The following KCNQ3 variants were observed in gnomAD, a reference collection of about 807,000 sequenced individuals.
The protein encoded by KCNQ3 is potassium voltage-gated channel subfamily KQT member 3.
In KCNQ3, 30 loss-of-function variants were observed where a neutral mutation model predicts 92.5. That is an observed-to-expected ratio of 0.32 (90% confidence interval 0.24 to 0.44). KCNQ3 has a LOEUF of 0.44. KCNQ3 is among the 20% of genes least tolerant of loss of function. KCNQ3 has a pLI of 1.00. For missense variants in KCNQ3, 913 were observed against 1,140.3 expected, an observed-to-expected ratio of 0.80 and a Z score of 2.87; for synonymous variants, 450 against 468.8, an observed-to-expected ratio of 0.96 and a Z score of 0.52.
chr8:132,337,932 T>C (rs1818410636), intron 1 of KCNQ3, among the ~76,000 whole-genome samples: 1 of 152,226 alleles, frequency 6.6e-6, no homozygotes, highest in Non-Finnish European at 1.5e-5. Context: ...CACATGATAT[T>C]CTTATCATCT....
At chr8:132,168,498 A>G (rs559675218) in intron 8 of KCNQ3, among the ~76,000 whole-genome samples, 1 of 152,298 alleles carries the variant, frequency 6.6e-6, no homozygotes, top group South Asian at 2.1e-4. Flanking sequence ...ACCTGCCACC[A>G]GAACCTTTTG....
chr8:132,443,144 G>C (rs945212631), intron 1 of KCNQ3, among the ~76,000 whole-genome samples: 1 of 152,200 alleles, frequency 6.6e-6, no homozygotes. Context: ...TGGAAATAAA[G>C]GTAGGGAGGG....
At chr8:132,468,929 AT>A (rs1239701534) in intron 1 of KCNQ3, among the ~76,000 whole-genome samples, 2 of 152,148 alleles carry the variant, frequency 1.3e-5, no homozygotes, top group South Asian at 4.2e-4. Context: ...CTGTAACCCA[AT>A]TTGTTCCCTA....
Position 132,129,928 on chromosome 8 carries a change from C to T in KCNQ3, c.1953G>A (p.Gln651=). The change falls in exon 15 of 15, where the codon CAG becomes CAA. Residue 651 remains glutamine (Q), a synonymous_variant. Transcript: ENST00000388996. The surrounding 1 kb of genome is among the most constrained non-coding windows in gnomAD (Gnocchi z 5.9). ...DMHMQHMERL[Q]VQVTEYYPTK... is the part of the protein sequence containing the mutation. Reference sequence around the variant, plus strand: ...TTGGGTAATACTCCGTGACCTGCACCTGCAACCGTTCCATGTGTTGCATGT... The same window carrying T: ...TTGGGTAATACTCCGTGACCTGCACTTGCAACCGTTCCATGTGTTGCATGT... The T allele has an allele frequency of 6.2e-7, 1 of 1,614,144 alleles. No individual in the cohort carries two copies. Among genetic ancestry groups the T allele is most frequent in the Non-Finnish European group, 8.5e-7 (1 of 1,180,002 alleles).
chr8:132,390,911 A>T (rs1166249959), intron 1 of KCNQ3, among the ~76,000 whole-genome samples: 1 of 152,220 alleles, frequency 6.6e-6, no homozygotes, highest in Admixed American at 6.5e-5. Flanking sequence ...ACACTTTCAA[A>T]ATGTTATTAC....
chr8:132,264,584 T>A (rs977968237), intron 1 of KCNQ3, among the ~76,000 whole-genome samples: 1 of 152,182 alleles, frequency 6.6e-6, no homozygotes, highest in Non-Finnish European at 1.5e-5. Context: ...GAATCTTCTG[T>A]AGGACTTCAT....
intron 1 of KCNQ3, among the ~76,000 whole-genome samples, chr8:132,409,740 TAG>T (rs1291424773): frequency 6.6e-6 from 1 of 152,178 alleles, no homozygotes; most frequent in East Asian, 1.9e-4. Context: ...TTCCCTATTT[TAG>T]AGTCAGTGCA....
chr8:132,152,698 A>G (rs1002697070), intron 9 of KCNQ3, among the ~76,000 whole-genome samples: 3 of 152,148 alleles, frequency 2.0e-5, no homozygotes, highest in African/African-American at 7.2e-5. Context: ...GTGGTCAGTA[A>G]AAAATGTCAT....
chr8:132,371,002 C>A (rs954601572), intron 1 of KCNQ3, among the ~76,000 whole-genome samples: 1 of 152,212 alleles, frequency 6.6e-6, no homozygotes, highest in Non-Finnish European at 1.5e-5. Flanking sequence ...TAAACCACTA[C>A]TCTAGGGTTC....
At chr8:132,182,069 CA>C (rs11320609) in intron 3 of KCNQ3, among the ~76,000 whole-genome samples, 9,048 of 143,692 alleles carry the variant, frequency 0.063, 509 homozygotes, top group African/African-American at 0.14. Flanking sequence ...CCATAAAAAA[CA>C]AAAAAAAAAC....
intron 1 of KCNQ3, among the ~76,000 whole-genome samples, chr8:132,336,125 C>T (rs757300985): frequency 7.2e-5 from 11 of 152,200 alleles, no homozygotes; most frequent in Non-Finnish European, 1.2e-4. Flanking sequence ...TGTTTTCTTG[C>T]CTCTCCCACC....
intron 9 of KCNQ3, among the ~76,000 whole-genome samples, chr8:132,145,228 G>C (rs1825417771): frequency 6.6e-6 from 1 of 152,182 alleles, no homozygotes; most frequent in Admixed American, 6.5e-5. Flanking sequence ...AAACTACCAT[G>C]TTCAACTTGT....
chr8:132,332,257 C>T (rs2130663961), intron 1 of KCNQ3, among the ~76,000 whole-genome samples: 1 of 152,274 alleles, frequency 6.6e-6, no homozygotes, highest in South Asian at 2.1e-4. Context: ...CAGACTGTTC[C>T]TCCCCACTCT....
intron 1 of KCNQ3, among the ~76,000 whole-genome samples, chr8:132,457,588 C>T (rs185119059): frequency 6.6e-6 from 1 of 152,198 alleles, no homozygotes; most frequent in Non-Finnish European, 1.5e-5. Flanking sequence ...GACTCTGACA[C>T]CGTTCCATCT....
At chr8:132,444,533 T>G (rs1177298763) in intron 1 of KCNQ3, among the ~76,000 whole-genome samples, 1 of 152,348 alleles carries the variant, frequency 6.6e-6, no homozygotes, top group East Asian at 1.9e-4. Context: ...GAAAATCATG[T>G]AACTTTTCTG....
chr8:132,165,261 C>T (rs1826110776), intron 8 of KCNQ3, among the ~76,000 whole-genome samples: 1 of 152,230 alleles, frequency 6.6e-6, no homozygotes, highest in Non-Finnish European at 1.5e-5. Context: ...CCCATGAGCA[C>T]ATCCCTATCT....
At chr8:132,154,051 G>A (rs1367716600) in intron 9 of KCNQ3, among the ~76,000 whole-genome samples, 2 of 151,696 alleles carry the variant, frequency 1.3e-5, no homozygotes, top group East Asian at 1.9e-4. Flanking sequence ...AGGTAATTGT[G>A]TCTCTGTATT....
chr8:132,302,721 C>T (rs1413841830), intron 1 of KCNQ3, among the ~76,000 whole-genome samples: 1 of 152,128 alleles, frequency 6.6e-6, no homozygotes, highest in Non-Finnish European at 1.5e-5. Context: ...CGATTTTTTT[C>T]TCTCTCCTGC....
At chr8:132,370,097 C>T (rs1038066334) in intron 1 of KCNQ3, among the ~76,000 whole-genome samples, 3 of 152,176 alleles carry the variant, frequency 2.0e-5, no homozygotes, top group African/African-American at 7.2e-5. Flanking sequence ...TCTATCTAGG[C>T]ACCTCCTCTG....
Sources: gnomAD v4.1 joint callset for allele counts (sites outside exome capture counted in the v4.1 genomes callset) on GRCh38, gnomAD v4.1.1 for gene constraint, Gnocchi (gnomAD v3.1) non-coding constraint, MANE v1.5 for transcripts, NCBI Gene and HGNC (gene_info 2026-07-23, HGNC 2026-07-21) for gene names.